Variants in MFAP3 observed in about 807,000 individuals in gnomAD.
MFAP3 encodes microfibril-associated glycoprotein 3.
Under a neutral mutation model 20.5 loss-of-function variants are expected in MFAP3, and 8 were observed. The ratio of observed to expected loss-of-function variants is 0.39; its 90% CI spans 0.23 to 0.70. The LOEUF (loss-of-function observed/expected upper bound fraction) is 0.70. MFAP3 is among the 30% of genes least tolerant of loss of function. The pLI, the probability that MFAP3 is intolerant of heterozygous loss-of-function variation, is 0.44. For missense variants in MFAP3, 398 were observed against 444.6 expected (o/e 0.90, Z 0.94); for synonymous variants, 140 against 154.0 (o/e 0.91, Z 0.67).
rs146500651 is a variant in MFAP3, at chr5:154,040,002, A to T, written c.-167+991A>T. ...AAATTCCAAAAAACAACAACAAAAAAACCCCTGCTTAAATATAAAATGGAT... is the reference window on the plus strand; with the variant it reads ...AAATTCCAAAAAACAACAACAAAAATACCCCTGCTTAAATATAAAATGGAT... On this transcript the variant is annotated intron_variant, in intron 1 of 2. Coordinates refer to ENST00000522782, the MANE Select transcript of MFAP3 (RefSeq NM_005927.5). Among the ~76,000 whole-genome samples the T allele has an allele frequency of 5.9e-5, 9 of 152,308 alleles. No homozygotes were observed. The East Asian group carries it at 1.7e-3, about 29-fold the overall frequency.
At position 154,053,358 on chromosome 5, in the gene MFAP3, T is replaced by C. The variant is rs1461131166; in HGVS notation, c.734T>C (p.Ile245Thr). The C allele has an allele frequency of 1.9e-6, 3 of 1,614,060 alleles. No individual in the cohort carries two copies. Among genetic ancestry groups the C allele is most frequent in the Non-Finnish European group, 2.5e-6 (3 of 1,179,958 alleles). ...LARSVPLPPL[I>T]LNCRAFVEEM... is the part of the protein sequence containing the mutation. ...AGAAGTGTCCCTCTTCCACCTCTTA[T>C]TCTAAACTGTCGAGCCTTTGTTGAG... The change falls in exon 3 of 3, where the codon ATT (isoleucine) becomes ACT (threonine). Residue 245 changes from isoleucine to threonine, a missense_variant. Coordinates refer to ENST00000522782, the MANE Select transcript of MFAP3 (RefSeq NM_005927.5).
At chr5:154,039,499 G>A (rs1772852630) in intron 1 of MFAP3, among the ~76,000 whole-genome samples, 1 of 152,178 alleles carries the variant, frequency 6.6e-6, no homozygotes, top group Non-Finnish European at 1.5e-5. Flanking sequence ...AAGGAGCAAG[G>A]TGAGAATGGA....
chr5:154,040,714 T>G (rs914631974), intron 1 of MFAP3, among the ~76,000 whole-genome samples: 1 of 152,202 alleles, frequency 6.6e-6, no homozygotes, highest in African/African-American at 2.4e-5. Context: ...TCAATAAGTC[T>G]GTGGGGTCAA....
chr5:154,044,854 C>T (rs1029510214), intron 1 of MFAP3, among the ~76,000 whole-genome samples: 24 of 152,144 alleles, frequency 1.6e-4, no homozygotes, highest in African/African-American at 5.1e-4. Context: ...TAACCATTTC[C>T]GCATTTATTA....
intron 1 of MFAP3, among the ~76,000 whole-genome samples, chr5:154,039,947 G>A (rs1181445125): frequency 1.3e-5 from 2 of 151,934 alleles, no homozygotes; most frequent in Non-Finnish European, 2.9e-5. Flanking sequence ...TCTAAATTTA[G>A]GTTCATCAAT....
intron 1 of MFAP3, among the ~76,000 whole-genome samples, chr5:154,048,471 A>G (rs1773111736): frequency 6.6e-6 from 1 of 152,202 alleles, no homozygotes; most frequent in African/African-American, 2.4e-5. Flanking sequence ...TCTGTGATCA[A>G]GCAGCCTTCA....
rs1773304353 is a variant in MFAP3 at position 154,055,357 on chromosome 5, A to G, written c.*1644A>G. Among the ~76,000 whole-genome samples the G allele has an allele frequency of 6.6e-6, 1 of 152,186 alleles. No individual in the cohort carries two copies. The highest frequency in any genetic ancestry group is 1.5e-5 in the Non-Finnish European group (1 of 68,032). ...ATCAGAAGTAATACATCTGCTCTGA[A>G]TAGCATGAATGAATCAATGTGCAGT... On this transcript the variant is annotated 3_prime_UTR_variant, in exon 3 of 3. Transcript: ENST00000522782.
intron 2 of MFAP3, among the ~76,000 whole-genome samples, chr5:154,050,535 A>G (rs1016953825): frequency 6.6e-6 from 1 of 151,942 alleles, no homozygotes; most frequent in African/African-American, 2.4e-5. Flanking sequence ...ATGAGTATCA[A>G]TCTGTGCATA....
At position 154,049,832 on chromosome 5, in the gene MFAP3, G is replaced by T. The variant is rs769407854; in HGVS notation, c.110G>T (p.Arg37Leu). Residue 37 changes from arginine (R) to leucine (L), a missense_variant, in exon 2 of 3, where the codon CGT becomes CTT. Arg to Leu is a moderately radical substitution (Grantham distance 102). Transcript: ENST00000522782. The stretch of plus-strand genomic sequence containing the variant: ...CAAATGGTTTCACTGGAAGCAAATC[G>T]TAGTTCTTACAATGCATCCTTTCCC... ...FDQMVSLEAN[R>L]SSYNASFPSS... is the part of the protein sequence containing the mutation. The T allele has an allele frequency of 6.2e-7, 1 of 1,613,676 alleles. No homozygotes were observed. Among genetic ancestry groups the T allele is most frequent in the Non-Finnish European group, 8.5e-7 (1 of 1,179,720 alleles).
chr5:154,039,764 T>C (rs1318563236), intron 1 of MFAP3, among the ~76,000 whole-genome samples: 2 of 152,146 alleles, frequency 1.3e-5, no homozygotes, highest in Non-Finnish European at 2.9e-5. Flanking sequence ...ATCAATCTTA[T>C]TGTACAGATA....
chr5:154,053,437 TAAAG>T lies in MFAP3; in HGVS notation c.815_818del (p.Lys272ArgfsTer5), dbSNP rs768732799. 1.2e-6 allele frequency: 2 copies of T among 1,613,772 alleles called. No homozygotes were observed. Among genetic ancestry groups the T allele is most frequent in the African/African-American group, 1.3e-5 (1 of 74,858 alleles). On this transcript the variant is annotated frameshift_variant, in exon 3 of 3. Transcript: ENST00000522782. LOFTEE classifies it high-confidence loss of function. ...ACCCTGATGACCTGGGTGAAAGAAT[TAAAG>T]AGAGACCTGCCTTGAATGCTCAAGG...
intron 1 of MFAP3, among the ~76,000 whole-genome samples, chr5:154,041,997 C>T (rs1225234228): frequency 1.3e-5 from 2 of 152,228 alleles, no homozygotes; most frequent in African/African-American, 4.8e-5. Flanking sequence ...CCTATGGCTT[C>T]ACCCAGGGGT....
At position 154,049,990 on chromosome 5, in the gene MFAP3, G is replaced by A. The variant is rs760206793; in HGVS notation, c.268G>A (p.Gly90Arg). The part of the protein sequence containing the change: ...YEDVHWHNSK[G>R]QQLDGRSRGG... ...AGATGTCCATTGGCACAATTCAAAA[G>A]GACAGCAACTGGATGGCAGAAGCAG... Residue 90 changes from glycine (G) to arginine (R), a missense_variant, in exon 2 of 3, where the codon GGA (glycine) becomes AGA (arginine). By Grantham distance (125) the Gly-to-Arg change is moderately radical. Transcript: ENST00000522782. The A allele has an allele frequency of 6.2e-7, 1 of 1,607,592 alleles. No homozygotes were observed. The highest frequency in any genetic ancestry group is 8.5e-7 in the Non-Finnish European group (1 of 1,174,606).
chr5:154,053,046 T>C lies in MFAP3; in HGVS notation c.422T>C (p.Ile141Thr), dbSNP rs141234424. Reference protein sequence around the residue: ...RASYSVTLRVIFTSGDMSVYY... With the variant: ...RASYSVTLRVTFTSGDMSVYY... ...TCCTACTCTGTCACCCTACGTGTTA[T>C]CTTCACCTCGGGAGACATGAGTGTC... The change falls in exon 3 of 3, where the codon ATC becomes ACC. Residue 141 changes from isoleucine to threonine, a missense_variant. Ile to Thr is a moderately conservative substitution (Grantham distance 89). Coordinates refer to ENST00000522782, the MANE Select transcript of MFAP3 (RefSeq NM_005927.5). The C allele has an allele frequency of 2.9e-5, 47 of 1,613,798 alleles. No homozygotes were observed. In the Admixed American group the frequency reaches 4.7e-4, roughly 16 times the overall value.
At chr5:154,045,653 A>G (rs1773058511) in intron 1 of MFAP3, among the ~76,000 whole-genome samples, 1 of 152,218 alleles carries the variant, frequency 6.6e-6, no homozygotes, top group South Asian at 2.1e-4. Flanking sequence ...CAGACTTTGC[A>G]ATAATCCTGT....
rs1012122086 is a variant in MFAP3 at position 154,055,095 on chromosome 5, C to G, written c.*1382C>G. The G allele has an allele frequency of 6.0e-6, 1 of 167,054 alleles. No homozygotes were observed. The highest frequency in any genetic ancestry group is 2.4e-5 in the African/African-American group (1 of 41,446). 10.3% of individuals were successfully genotyped at this position (167,054 alleles called of 1,614,324 possible). A position where few individuals can be genotyped will look rare whatever the true frequency, so the allele number is the denominator to read the frequency against. On this transcript the variant is annotated 3_prime_UTR_variant, in exon 3 of 3. Coordinates refer to ENST00000522782, the MANE Select transcript of MFAP3 (RefSeq NM_005927.5). ...TAAATACTCTTCAGAACAATTTCTT[C>G]AGCTACAGGAAGCGTGGTGCCATAT...
Position 154,052,866 on chromosome 5 carries a change from A to G in MFAP3, c.296-54A>G, listed in dbSNP as rs1410763856. The G allele has an allele frequency of 5.8e-5, 84 of 1,455,312 alleles. No homozygotes were observed. In the South Asian group the frequency reaches 9.3e-4, roughly 16 times the overall value. The allele number at this position is 1,455,312 out of a possible 1,614,324, so 90.1% of individuals were successfully genotyped here. A position where few individuals can be genotyped will look rare whatever the true frequency, so the allele number is the denominator to read the frequency against. ...GTGGAATATGGATAAGGCAGCGGGC[A>G]TATTTAGTAATCTTTTTGCTATAAT... is the stretch of plus-strand genomic sequence containing the variant. On this transcript the variant is annotated intron_variant, in intron 2 of 2. Coordinates refer to ENST00000522782, the MANE Select transcript of MFAP3 (RefSeq NM_005927.5).
rs1368969468 is a variant in MFAP3 at position 154,056,374 on chromosome 5, A to G, written c.*2661A>G. ...TTCGTAAAGCTAGTTTTCAAGAGGA[A>G]GAAAACCACACTTACTAATGTTTTC... On this transcript the variant is annotated 3_prime_UTR_variant, in exon 3 of 3. Coordinates refer to ENST00000522782, the MANE Select transcript of MFAP3 (RefSeq NM_005927.5). Among the ~76,000 whole-genome samples, 4 of 152,244 alleles carry G rather than the reference A, an allele frequency of 2.6e-5. No individual in the cohort carries two copies. Among genetic ancestry groups the G allele is most frequent in the African/African-American group, 9.6e-5 (4 of 41,474 alleles).
At chr5:154,048,769 A>G (rs1387846908) in intron 1 of MFAP3, among the ~76,000 whole-genome samples, 1 of 152,214 alleles carries the variant, frequency 6.6e-6, no homozygotes, top group Non-Finnish European at 1.5e-5. Context: ...TCTACTAACT[A>G]GACACTTAAG....
Sources: gnomAD v4.1 joint callset for allele counts (sites outside exome capture counted in the v4.1 genomes callset) on GRCh38, gnomAD v4.1.1 for gene constraint, MANE v1.5 for transcripts, NCBI Gene and HGNC (gene_info 2026-07-23, HGNC 2026-07-21) for gene names.